CARD8: variants seen among roughly 807,000 people sequenced by gnomAD.
CARD8 encodes caspase recruitment domain-containing protein 8.
In CARD8, 38 loss-of-function variants were observed where a neutral mutation model predicts 53.2. That is an observed-to-expected ratio of 0.71 (90% CI 0.55 to 0.94). The LOEUF is 0.94. CARD8 is among the 40% of genes least tolerant of loss of function. CARD8 has a pLI of 0.00. For synonymous variants in CARD8, 245 were observed against 244.9 expected (o/e 1.00, Z 0.00); for missense variants, 561 against 655.5 (o/e 0.86, Z 1.57).
At chr19:48,222,557 C>T (rs1261880801) in intron 10 of CARD8, among the ~76,000 whole-genome samples, 9 of 152,084 alleles carry the variant, frequency 5.9e-5, no homozygotes, top group Non-Finnish European at 1.2e-4. Flanking sequence ...GGCGTGGTGG[C>T]GGGCGCCTGT....
At chr19:48,229,502 C>T (rs762048076) in intron 10 of CARD8, among the ~76,000 whole-genome samples, 2 of 152,230 alleles carry the variant, frequency 1.3e-5, no homozygotes, top group African/African-American at 4.8e-5. Flanking sequence ...CAGTTACTCA[C>T]CACCCTAAGT....
Position 48,232,556 on chromosome 19 carries a change from T to A in CARD8, c.351-63A>T, listed in dbSNP as rs2043110655. 3.6e-6 allele frequency: 5 copies of A among 1,383,810 alleles called. No homozygotes were observed. The South Asian group carries it at 6.2e-5, about 17-fold the overall frequency. 85.7% of individuals were successfully genotyped at this position (1,383,810 alleles called of 1,614,324 possible). A position where few individuals can be genotyped will look rare whatever the true frequency, so the allele number is the denominator to read the frequency against. On this transcript the variant is annotated intron_variant, in intron 6 of 13. Transcript: ENST00000651546. ...AACATCAAGAATCAGTTGATGAAGA[T>A]GAAGACGATGTTATTGAAAACTAGA...
At chr19:48,226,588 A>T (rs1254606561) in intron 10 of CARD8, among the ~76,000 whole-genome samples, 1 of 152,140 alleles carries the variant, frequency 6.6e-6, no homozygotes, top group African/African-American at 2.4e-5. Context: ...AATTGCATGT[A>T]ATGGGGGTAT....
At chr19:48,219,229 CAT>C (rs765536349) in intron 11 of CARD8, among the ~76,000 whole-genome samples, 14 of 152,214 alleles carry the variant, frequency 9.2e-5, no homozygotes, top group Non-Finnish European at 1.6e-4. Flanking sequence ...GTCAACACCA[CAT>C]GAGTCAGAGA....
At chr19:48,252,808 T>TATATATATACACACAC (rs113740488) in intron 1 of CARD8, among the ~76,000 whole-genome samples, 11 of 148,182 alleles carry the variant, frequency 7.4e-5, no homozygotes, top group East Asian at 5.9e-4. Context: ...TATCAGTATA[T>TATATATATACACACAC]ACACACACAC....
chr19:48,213,415 C>T (rs1300394834), intron 13 of CARD8, among the ~76,000 whole-genome samples: 1 of 151,910 alleles, frequency 6.6e-6, no homozygotes, highest in African/African-American at 2.4e-5. Context: ...CACTCTTGTC[C>T]CCAGGCTGGA....
intron 4 of CARD8, among the ~76,000 whole-genome samples, chr19:48,240,484 C>G (rs2044777142): frequency 6.6e-6 from 1 of 151,944 alleles, no homozygotes; most frequent in Admixed American, 6.6e-5. Flanking sequence ...AAAAGTACAC[C>G]TGGGCCAGGC....
At chr19:48,251,515 A>G (rs1021761719) in intron 1 of CARD8, among the ~76,000 whole-genome samples, 4 of 152,224 alleles carry the variant, frequency 2.6e-5, no homozygotes, top group Admixed American at 1.3e-4. Flanking sequence ...CGTAGAGGCC[A>G]ATACCAATTT....
rs552370448 is a variant in CARD8, at chr19:48,225,219, G to A, written c.1036-3364C>T. On this transcript the variant is annotated intron_variant, in intron 10 of 13. Coordinates refer to ENST00000651546, the MANE Select transcript of CARD8 (RefSeq NM_001184900.3). ...GAACAATGGGAGAACTGGAGGGCAC[G>A]GTGGCTCACACCTGTAATCTCAGCA... is the stretch of plus-strand genomic sequence containing the variant. Among the ~76,000 whole-genome samples the A allele has an allele frequency of 1.1e-4, 17 of 152,112 alleles. No homozygotes were observed. In the East Asian group the frequency reaches 1.4e-3, roughly 12 times the overall value.
intron 6 of CARD8, chr19:48,232,716 C>A: frequency 1.5e-6 from 1 of 667,498 alleles, no homozygotes; most frequent in Non-Finnish European, 2.8e-6. Flanking sequence ...TCACTCACGG[C>A]TATAACACTG....
chr19:48,227,121 T>C (rs1204546234), intron 10 of CARD8, among the ~76,000 whole-genome samples: 2 of 147,580 alleles, frequency 1.4e-5, no homozygotes, highest in Non-Finnish European at 3.0e-5. Context: ...AGAAAATAAG[T>C]GGAGGAATTA....
chr19:48,231,080 G>A, intron 8 of CARD8, 74 bp from the exon 9 acceptor site: 1 of 1,266,040 alleles, frequency 7.9e-7, no homozygotes, highest in South Asian at 1.3e-5. Flanking sequence ...TGCAGAGGGA[G>A]GTGGGATTTG....
chr19:48,204,464 A>T (rs2037270141), downstream of CARD8, among the ~76,000 whole-genome samples: 2 of 152,104 alleles, frequency 1.3e-5, no homozygotes, highest in Non-Finnish European at 2.9e-5. Context: ...ACAAGTTACT[A>T]GATACTTGGG....
chr19:48,231,562 C>G, intron 8 of CARD8, 98 bp downstream of exon 8: 1 of 1,259,860 alleles, frequency 7.9e-7, no homozygotes, highest in East Asian at 2.4e-5. Flanking sequence ...CTCCACCTCC[C>G]AAAGTGCCGA....
chr19:48,226,302 C>A (rs1017662431), intron 10 of CARD8, among the ~76,000 whole-genome samples: 1 of 152,170 alleles, frequency 6.6e-6, no homozygotes, highest in Non-Finnish European at 1.5e-5. Context: ...TGGCTCACTG[C>A]AACCTCTGCC....
rs1280184111 is a variant in CARD8, at chr19:48,234,411, G to A, written c.342C>T (p.Asp114=). ...AVPECQLSGG[D]IPSVSEEQES... ...GGAATAGCTTTTCTTACCTGGGAAT[G>A]TCCCCCCCAGATAGTTGACACTCAG... Residue 114 remains aspartate (D), a synonymous_variant, in exon 6 of 14, where the codon GAC becomes GAT. Transcript: ENST00000651546. 1 of 1,609,842 alleles carries A rather than the reference G, an allele frequency of 6.2e-7. No individual in the cohort carries two copies. The highest frequency in any genetic ancestry group is 1.1e-5 in the South Asian group (1 of 90,550).
At chr19:48,204,929 C>T (rs974108419), downstream of CARD8, among the ~76,000 whole-genome samples, 1 of 152,120 alleles carries the variant, frequency 6.6e-6, no homozygotes, top group South Asian at 2.1e-4. Context: ...ATTCTAATTT[C>T]GGAAAATGCA....
chr19:48,230,044 T>A (rs2042546352), intron 10 of CARD8, among the ~76,000 whole-genome samples: 1 of 151,720 alleles, frequency 6.6e-6, no homozygotes, highest in Admixed American at 6.6e-5. Flanking sequence ...ACCCGAGAAG[T>A]GGATGTTGCA....
At chr19:48,246,154 C>T (rs960196626) in intron 3 of CARD8, among the ~76,000 whole-genome samples, 2 of 152,098 alleles carry the variant, frequency 1.3e-5, no homozygotes, top group African/African-American at 2.4e-5. Context: ...GACATTTTTG[C>T]GGAACATGGT....
Sources: gnomAD v4.1 joint callset for allele counts (sites outside exome capture counted in the v4.1 genomes callset) on GRCh38, gnomAD v4.1.1 for gene constraint, MANE v1.5 for transcripts, NCBI Gene and HGNC (gene_info 2026-07-23, HGNC 2026-07-21) for gene names.